Variants in TMX2 observed in about 807,000 individuals in gnomAD.
TMX2 encodes the protein thioredoxin-related transmembrane protein 2.
TMX2 carries 20 observed loss-of-function variants against 33.4 expected under a neutral mutation model. The observed-to-expected ratio is 0.60, with a 90% CI of 0.42 to 0.87. The LOEUF (loss-of-function observed/expected upper bound fraction) is 0.87. Among genes scored for constraint, TMX2 ranks in the 40% least tolerant of loss-of-function variants. The probability of loss-of-function intolerance (pLI) is 0.00; values close to 1 mark genes in which losing one functional copy is unlikely to be tolerated. For synonymous variants in TMX2, 166 were observed against 140.7 expected (o/e 1.18, Z -1.27); for missense variants, 340 against 370.7 (o/e 0.92, Z 0.68).
At chr11:57,737,720 G>A (rs779226307) in intron 2 of TMX2, 52 bp downstream of exon 2, 8 of 1,582,222 alleles carry the variant, frequency 5.1e-6, no homozygotes, top group Non-Finnish European at 6.9e-6. Context: ...GCCCTTTGGA[G>A]GTGCTTTGCT....
chr11:57,734,826 C>T (rs1473131872), intron 1 of TMX2, among the ~76,000 whole-genome samples: 1 of 151,688 alleles, frequency 6.6e-6, no homozygotes, highest in Non-Finnish European at 1.5e-5. Flanking sequence ...TTCTAACCCA[C>T]CTAGTTTCAT....
At chr11:57,738,151 C>T (rs1948865402) in intron 3 of TMX2, 125 bp downstream of exon 3, 2 of 788,150 alleles carry the variant, frequency 2.5e-6, no homozygotes, top group African/African-American at 1.8e-5. Flanking sequence ...TCTTCCATAT[C>T]TCATACCTAA....
At chr11:57,732,937 T>G (rs1487083043) in intron 1 of TMX2, among the ~76,000 whole-genome samples, 1 of 152,210 alleles carries the variant, frequency 6.6e-6, no homozygotes, top group African/African-American at 2.4e-5. Context: ...TTAGATGGCC[T>G]ACTACACACC....
In TMX2 at chr11:57,740,368, C is replaced by G; in HGVS notation, c.*123C>G. The G allele has an allele frequency of 2.5e-6, 3 of 1,215,032 alleles. No homozygotes were observed. Among genetic ancestry groups the G allele is most frequent in the Non-Finnish European group, 3.3e-6 (3 of 908,242 alleles). The allele number at this position is 1,215,032 out of a possible 1,614,324, so 75.3% of individuals were successfully genotyped here. A position where few individuals can be genotyped will look rare whatever the true frequency, so the allele number is the denominator to read the frequency against. ...GGCTGTGACTGGGTGGGGCAGCATG[C>G]AGCTTCTGATTTTAAAGAGGCATCT... On this transcript the variant is annotated 3_prime_UTR_variant, in exon 8 of 8. Transcript: ENST00000278422.
Position 57,738,403 on chromosome 11 carries a change from C to G in TMX2, c.414C>G (p.Ile138Met). The G allele has an allele frequency of 4.3e-6, 7 of 1,611,786 alleles. No homozygotes were observed. The highest frequency in any genetic ancestry group is 5.1e-6 in the Non-Finnish European group (6 of 1,177,998). Reference sequence around the variant, plus strand: ...CCCTATATATGGGCCCTGAGTATATCAAGTACTTCAATGATAAAACCATTG... The same window carrying G: ...CCCTATATATGGGCCCTGAGTATATGAAGTACTTCAATGATAAAACCATTG... ...KPPLYMGPEY[I>M]KYFNDKTIDE... Residue 138 changes from isoleucine (I) to methionine (M), a missense_variant, in exon 4 of 8, where the codon ATC (isoleucine) becomes ATG (methionine). This residue lies in a region of TMX2 where 209 missense variants were observed against 241.6 expected (regional missense o/e 0.87). Transcript: ENST00000278422.
intron 1 of TMX2, chr11:57,718,388 T>C (rs1947319944): frequency 6.9e-7 from 1 of 1,448,518 alleles, no homozygotes. Flanking sequence ...GCAGGAACTC[T>C]TACAACCAAA....
Position 57,740,549 on chromosome 11 carries a change from A to C in TMX2, c.*304A>C. ...GCTTATCAGCTATTCAGACATCTCCATGGTTTCTCCATGAAACTCTGTGGT... is the reference window on the plus strand; with the variant it reads ...GCTTATCAGCTATTCAGACATCTCCCTGGTTTCTCCATGAAACTCTGTGGT... On this transcript the variant is annotated 3_prime_UTR_variant, in exon 8 of 8. Transcript: ENST00000278422. The C allele has an allele frequency of 4.0e-6, 1 of 249,698 alleles. No individual in the cohort carries two copies. The highest frequency in any genetic ancestry group is 7.8e-6 in the Non-Finnish European group (1 of 128,890). 15.5% of individuals were successfully genotyped at this position (249,698 alleles called of 1,614,324 possible).
intron 1 of TMX2, 67 bp from the exon 2 acceptor site, chr11:57,737,541 T>G (rs1011753107): frequency 5.9e-6 from 8 of 1,353,956 alleles, no homozygotes; most frequent in Middle Eastern, 3.9e-4. Context: ...ACATATTTAG[T>G]TCCCTTTCCC....
intron 1 of TMX2, chr11:57,718,212 T>G: frequency 1.4e-6 from 2 of 1,403,716 alleles, no homozygotes; most frequent in Non-Finnish European, 2.0e-6. Context: ...CTGGGAACCT[T>G]TTGTGTTGGG....
intron 1 of TMX2, among the ~76,000 whole-genome samples, chr11:57,735,092 T>G (rs1226367374): frequency 6.6e-6 from 1 of 151,808 alleles, no homozygotes. Context: ...ATCATGCCCC[T>G]GCATTCCAGC....
At chr11:57,731,618 A>G (rs1299673089) in intron 1 of TMX2, among the ~76,000 whole-genome samples, 1 of 151,946 alleles carries the variant, frequency 6.6e-6, no homozygotes, top group Admixed American at 6.6e-5. Context: ...ATCTCTTAAA[A>G]TATTTTACAG....
In TMX2 at chr11:57,738,836, GCTTTT is replaced by G. The variant is rs1948908793; in HGVS notation, c.548+72_548+76del. 8 of 1,566,412 alleles carry G rather than the reference GCTTTT, an allele frequency of 5.1e-6. No individual in the cohort carries two copies. The Admixed American group carries it at 1.3e-4, about 26-fold the overall frequency. The stretch of plus-strand genomic sequence containing the variant: ...TGTGCCTTCCCTCTCACTGTTTTTG[GCTTTT>G]CTTTTTCTTTTGGCCTTGATTTTCA... On this transcript the variant is annotated intron_variant, in intron 5 of 7. Transcript: ENST00000278422.
At chr11:57,737,877 C>T (rs1317500701) in intron 2 of TMX2, 36 bp from the exon 3 acceptor site, 2 of 1,614,170 alleles carry the variant, frequency 1.2e-6, no homozygotes, top group Non-Finnish European at 1.7e-6. Context: ...TAGGAGTGCA[C>T]AGCCCAGCCT....
At chr11:57,735,788 G>A (rs1018065735) in intron 1 of TMX2, among the ~76,000 whole-genome samples, 2 of 152,216 alleles carry the variant, frequency 1.3e-5, no homozygotes, top group African/African-American at 2.4e-5. Context: ...CATGATCTGA[G>A]GTGGAGTTTT....
intron 1 of TMX2, among the ~76,000 whole-genome samples, chr11:57,733,509 G>A (rs78644549): frequency 1.3e-5 from 2 of 151,680 alleles, no homozygotes; most frequent in African/African-American, 4.8e-5. Flanking sequence ...CACCCGCCTC[G>A]GCCTCCCAAA....
At position 57,739,135 on chromosome 11, in the gene TMX2, A is replaced by G. The variant is rs757694034; in HGVS notation, c.619A>G (p.Lys207Glu). The G allele has an allele frequency of 1.2e-6, 2 of 1,614,056 alleles. No homozygotes were observed. Among genetic ancestry groups the G allele is most frequent in the African/African-American group, 2.7e-5 (2 of 74,930 alleles). The change falls in exon 7 of 8, where the codon AAA becomes GAA. Residue 207 changes from lysine (K) to glutamate (E), a missense_variant. Lys to Glu is a moderately conservative substitution (Grantham distance 56, BLOSUM62 1). Around this residue, in one of 3 missense-constraint regions of TMX2, gnomAD observed 209 missense variants for 241.6 expected, o/e 0.87. Transcript: ENST00000278422. ...GRYTDVSTRY[K>E]VSTSPLTKQL... is the part of the protein sequence containing the mutation. ...AGAACTTTCTGGGCCCTGCAGGTAC[A>G]AAGTGAGCACATCACCCCTCACCAA... is the stretch of plus-strand genomic sequence containing the variant.
At chr11:57,712,936 A>C (rs565228096) in intron 1 of TMX2, 129 bp downstream of exon 1, 459 of 966,884 alleles carry the variant, frequency 4.7e-4, no homozygotes, top group Non-Finnish European at 6.6e-4. Context: ...CTTAGAGACT[A>C]TTAAGTGCAG....
intron 1 of TMX2, among the ~76,000 whole-genome samples, chr11:57,728,264 G>A (rs969697321): frequency 6.6e-6 from 1 of 152,090 alleles, no homozygotes; most frequent in African/African-American, 2.4e-5. Context: ...CCGGGTTCAC[G>A]CCATTCTCCT....
intron 1 of TMX2, among the ~76,000 whole-genome samples, chr11:57,715,156 T>C (rs1162339262): frequency 1.3e-5 from 2 of 152,082 alleles, no homozygotes; most frequent in East Asian, 1.9e-4. Flanking sequence ...TCCCAGCACT[T>C]TGGGAGGCTG....
Sources: gnomAD v4.1 joint callset for allele counts (sites outside exome capture counted in the v4.1 genomes callset) on GRCh38, gnomAD v4.1.1 for gene constraint, gnomAD v4.1.1 regional missense constraint, MANE v1.5 for transcripts, NCBI Gene and HGNC (gene_info 2026-07-23, HGNC 2026-07-21) for gene names.